FBXO11: variants seen among roughly 807,000 people sequenced by gnomAD.
The protein encoded by FBXO11 is F-box protein 11.
A neutral mutation model predicts 117.0 loss-of-function variants in FBXO11; 13 were observed. That is an observed-to-expected ratio of 0.11 (90% confidence interval 0.07 to 0.18). The LOEUF (loss-of-function observed/expected upper bound fraction) is 0.18, where lower values mean the gene tolerates loss of function less well. FBXO11 is among the 10% of genes least tolerant of loss of function. The pLI is 1.00. For missense variants in FBXO11, 767 were observed against 1,164.4 expected (o/e 0.66, Z 4.97); for synonymous variants, 490 against 380.5 (o/e 1.29, Z -3.35).
intron 1 of FBXO11, among the ~76,000 whole-genome samples, chr2:47,892,885 T>A (rs961872805): frequency 6.6e-6 from 1 of 152,008 alleles, no homozygotes; most frequent in Admixed American, 6.6e-5. Flanking sequence ...TACATCAAAA[T>A]GCTATAACAT....
chr2:47,822,213 C>T lies in FBXO11; in HGVS notation c.1702+5G>A. The stretch of plus-strand genomic sequence containing the variant: ...AAGTTTTATAGAACAAAACCATACG[C>T]TTACCATAAATGTCATTTCCTTCAA... On this transcript the variant is annotated splice_donor_5th_base_variant and intron_variant, in intron 13 of 22. Transcript: ENST00000403359. The T allele has an allele frequency of 6.4e-7, 1 of 1,571,748 alleles. No individual in the cohort carries two copies. Among genetic ancestry groups the T allele is most frequent in the Non-Finnish European group, 8.7e-7 (1 of 1,154,008 alleles).
intron 17 of FBXO11, 82 bp from the exon 18 acceptor site, chr2:47,813,459 C>G (rs1670775522): frequency 1.1e-5 from 6 of 553,366 alleles, no homozygotes; most frequent in Non-Finnish European, 1.4e-5. Context: ...GAGACAGAGT[C>G]TCGCTCTGTT....
intron 1 of FBXO11, among the ~76,000 whole-genome samples, chr2:47,864,769 T>C (rs192104406): frequency 1.1e-3 from 164 of 152,324 alleles, no homozygotes; most frequent in African/African-American, 3.8e-3. Context: ...ATGAATTAGG[T>C]ATTTTCACCC....
intron 14 of FBXO11, 124 bp downstream of exon 14, chr2:47,820,238 T>TA: frequency 1.8e-6 from 1 of 546,760 alleles, no homozygotes; most frequent in Non-Finnish European, 3.2e-6. Flanking sequence ...GTCTAACTAT[T>TA]AAAGACAGTC....
chr2:47,848,668 T>G (rs1236274519), intron 1 of FBXO11, among the ~76,000 whole-genome samples: 1 of 152,202 alleles, frequency 6.6e-6, no homozygotes, highest in Non-Finnish European at 1.5e-5. Context: ...TCTTCACTAT[T>G]AATAGGAACC....
chr2:47,846,655 G>C (rs2104919173), intron 1 of FBXO11, among the ~76,000 whole-genome samples: 1 of 151,976 alleles, frequency 6.6e-6, no homozygotes, highest in South Asian at 2.1e-4. Flanking sequence ...ACCAGAAATA[G>C]AACGCAATCC....
intron 1 of FBXO11, among the ~76,000 whole-genome samples, chr2:47,879,278 T>A (rs188702429): frequency 1.4e-4 from 22 of 152,352 alleles, no homozygotes; most frequent in Non-Finnish European, 5.9e-5. Flanking sequence ...AAGTATAAGA[T>A]AAATTTCAGA....
chr2:47,839,485 T>C lies in FBXO11; in HGVS notation c.376A>G (p.Thr126Ala), dbSNP rs17036993. ...GCACGATGACCAAAGTTTTCTGTAG[T>C]TGAAGTTGAGGCGCCCTTCAAAAAC... The part of the protein sequence containing the change: ...KNSMEGASTS[T>A]TENFGHRAKR... The change falls in exon 3 of 23, where the codon ACT becomes GCT. Residue 126 changes from threonine to alanine, a missense_variant. Physicochemically the swap from Thr to Ala is moderately conservative, Grantham distance 58 (BLOSUM62 0). Coordinates refer to ENST00000403359, the MANE Select transcript of FBXO11 (RefSeq NM_001190274.2). 20 of 1,613,970 alleles carry C rather than the reference T, an allele frequency of 1.2e-5. No homozygotes were observed. Among genetic ancestry groups the C allele is most frequent in the Non-Finnish European group, 1.4e-5 (16 of 1,180,002 alleles).
chr2:47,809,438 G>C (rs762548739), intron 20 of FBXO11, 162 bp downstream of exon 20: 620 of 690,044 alleles, frequency 9.0e-4, no homozygotes, highest in Non-Finnish European at 1.1e-3. Flanking sequence ...CCTTGTATAA[G>C]ATACTCCAAC....
At chr2:47,900,865 C>T (rs11903655) in intron 1 of FBXO11, among the ~76,000 whole-genome samples, 28,812 of 62,750 alleles carry the variant, frequency 0.46, 8,553 homozygotes, top group African/African-American at 0.53. Flanking sequence ...TACACGTATA[C>T]ACACACACGT....
intron 1 of FBXO11, among the ~76,000 whole-genome samples, chr2:47,900,423 A>T (rs574606857): frequency 2.0e-5 from 3 of 152,018 alleles, no homozygotes; most frequent in Non-Finnish European, 4.4e-5. Context: ...AAAATATCAC[A>T]TGCTAGAACA....
At chr2:47,839,150 T>C (rs1672825776) in intron 3 of FBXO11, 147 bp from the exon 4 acceptor site, 5 of 789,222 alleles carry the variant, frequency 6.3e-6, no homozygotes, top group South Asian at 4.2e-5. Flanking sequence ...GGGTAACACA[T>C]ATTTATCTCT....
intron 11 of FBXO11, among the ~76,000 whole-genome samples, chr2:47,824,840 T>C (rs150364295): frequency 1.3e-5 from 2 of 152,330 alleles, no homozygotes; most frequent in East Asian, 1.9e-4. Context: ...AATTCTGATA[T>C]CCTTAGGCCA....
At chr2:47,829,587 G>C (rs1168236236) in intron 11 of FBXO11, among the ~76,000 whole-genome samples, 3 of 152,038 alleles carry the variant, frequency 2.0e-5, no homozygotes, top group African/African-American at 7.2e-5. Flanking sequence ...ACTCTGCACT[G>C]AACTGAGTAT....
chr2:47,901,099 A>G (rs1189329818), intron 1 of FBXO11, among the ~76,000 whole-genome samples: 15 of 106,674 alleles, frequency 1.4e-4, no homozygotes, highest in African/African-American at 5.0e-4. Context: ...ATATATACAT[A>G]TATATGTATA....
chr2:47,807,217 CAAAA>C lies in FBXO11; in HGVS notation c.*897_*900del, dbSNP rs55762324. On this transcript the variant is annotated 3_prime_UTR_variant, in exon 23 of 23. Coordinates refer to ENST00000403359, the MANE Select transcript of FBXO11 (RefSeq NM_001190274.2). Reference sequence around the variant, plus strand: ...TTCCAGCAGTTTTGTCTAAACTGTTCAAAAAAAAACTATGAACAGAGTTCAAATA... The same window carrying C: ...TTCCAGCAGTTTTGTCTAAACTGTTCAAAAACTATGAACAGAGTTCAAATA... 7 of 242,086 alleles carry C rather than the reference CAAAA, an allele frequency of 2.9e-5. No homozygotes were observed. In the East Asian group the frequency reaches 3.1e-4, roughly 11 times the overall value. 15.0% of individuals were successfully genotyped at this position (242,086 alleles called of 1,614,324 possible). A position where few individuals can be genotyped will look rare whatever the true frequency, so the allele number is the denominator to read the frequency against.
intron 1 of FBXO11, among the ~76,000 whole-genome samples, chr2:47,899,141 G>A (rs917058482): frequency 3.3e-5 from 5 of 152,066 alleles, no homozygotes; most frequent in South Asian, 2.1e-4. Flanking sequence ...GGGCGTGGTG[G>A]TGGGCACCTG....
rs1240626765 is a variant in FBXO11 at position 47,839,431 on chromosome 2, G to C, written c.430C>G (p.Gln144Glu). 1.2e-6 allele frequency: 2 copies of C among 1,612,720 alleles called. No homozygotes were observed. Among genetic ancestry groups the C allele is most frequent in the Non-Finnish European group, 1.7e-6 (2 of 1,179,624 alleles). ...CCACAGGAAATACCTGATAGATCTT[G>C]TGATTTTCCAGACACTCTTGCACGT... ...AKRARVSGKS[Q>E]DLSAAPAEQY... The change falls in exon 3 of 23, where the codon CAA (glutamine) becomes GAA (glutamate). Residue 144 changes from glutamine (Q) to glutamate (E), a missense_variant. Transcript: ENST00000403359.
rs749723464 is a variant in FBXO11, at chr2:47,884,933, A to AT, written c.232+20555dup. ...TTATACATCATTTCTATTGCGCATC[A>AT]TAAGTCCATATACTGATATCAGACA... On this transcript the variant is annotated intron_variant, in intron 1 of 22. Transcript: ENST00000403359. Among the ~76,000 whole-genome samples the AT allele has an allele frequency of 1.1e-4, 17 of 152,334 alleles. No individual in the cohort carries two copies. The South Asian group carries it at 3.5e-3, about 32-fold the overall frequency.
Sources: allele counts gnomAD v4.1 joint callset (sites outside exome capture counted in the v4.1 genomes callset), GRCh38; gene constraint gnomAD v4.1.1; transcripts MANE v1.5; gene names NCBI Gene and HGNC (gene_info 2026-07-23, HGNC 2026-07-21).